Variants in COL14A1 observed in about 807,000 individuals in gnomAD.
The protein encoded by COL14A1 is collagen alpha-1(XIV) chain.
A neutral mutation model predicts 230.3 loss-of-function variants in COL14A1; 136 were observed. The ratio of observed to expected loss-of-function variants is 0.59; its 90% confidence interval spans 0.51 to 0.68. The LOEUF (loss-of-function observed/expected upper bound fraction) is 0.68. COL14A1 is among the 30% of genes least tolerant of loss of function. The pLI is 0.00. For missense variants in COL14A1, 1,976 were observed against 2,215.8 expected (o/e 0.89, Z 2.17); for synonymous variants, 792 against 784.1 (o/e 1.01, Z -0.17).
At chr8:120,303,000 A>G (rs1213928106) in intron 36 of COL14A1, among the ~76,000 whole-genome samples, 6 of 152,038 alleles carry the variant, frequency 3.9e-5, no homozygotes, top group South Asian at 2.1e-4. Flanking sequence ...TTTTGTGGCA[A>G]TTGTGGATGG....
chr8:120,229,128 T>C (rs1490483912), intron 18 of COL14A1, among the ~76,000 whole-genome samples: 1 of 149,456 alleles, frequency 6.7e-6, no homozygotes, highest in African/African-American at 2.5e-5. Context: ...ATTATTATTA[T>C]ACTTTAAGTT....
chr8:120,264,866 A>G (rs973648591), intron 24 of COL14A1, among the ~76,000 whole-genome samples: 1 of 152,102 alleles, frequency 6.6e-6, no homozygotes, highest in Admixed American at 6.6e-5. Context: ...CCCTAGAAAC[A>G]TTTGTGTTTA....
At chr8:120,316,194 A>G (rs904351679) in intron 40 of COL14A1, among the ~76,000 whole-genome samples, 197 bp downstream of exon 40, 2 of 152,196 alleles carry the variant, frequency 1.3e-5, no homozygotes, top group Non-Finnish European at 2.9e-5. Flanking sequence ...GTCAAACCCT[A>G]GGAACTTTCA....
intron 36 of COL14A1, among the ~76,000 whole-genome samples, 161 bp downstream of exon 36, chr8:120,300,979 A>G (rs1256885820): frequency 1.3e-5 from 2 of 152,166 alleles, no homozygotes; most frequent in Admixed American, 1.3e-4. Flanking sequence ...ATTAAAGAAC[A>G]CAGCTTGGAG....
intron 5 of COL14A1, among the ~76,000 whole-genome samples, chr8:120,187,502 G>A (rs1438469619): frequency 6.6e-6 from 1 of 152,162 alleles, no homozygotes; most frequent in African/African-American, 2.4e-5. Flanking sequence ...GCTCAGAATA[G>A]TGCTTGGTAC....
intron 42 of COL14A1, among the ~76,000 whole-genome samples, chr8:120,338,997 G>A (rs1822185249): frequency 6.6e-6 from 1 of 152,144 alleles, no homozygotes; most frequent in South Asian, 2.1e-4. Context: ...TGGGGCAGGG[G>A]TGTGCTATGT....
intron 5 of COL14A1, among the ~76,000 whole-genome samples, chr8:120,185,053 A>T (rs1192558541): frequency 6.6e-6 from 1 of 152,236 alleles, no homozygotes; most frequent in Non-Finnish European, 1.5e-5. Flanking sequence ...GAGGAAAAAT[A>T]AAACAGGGAT....
At chr8:120,192,185 G>A (rs1014196820) in intron 5 of COL14A1, among the ~76,000 whole-genome samples, 30 of 152,106 alleles carry the variant, frequency 2.0e-4, no homozygotes, top group African/African-American at 6.3e-4. Flanking sequence ...GGCTGGTACC[G>A]GTTGTTCCTT....
chr8:120,232,367 C>T (rs772917064), intron 19 of COL14A1, among the ~76,000 whole-genome samples: 5 of 152,022 alleles, frequency 3.3e-5, no homozygotes, highest in Admixed American at 2.0e-4. Context: ...TTGCTGCACC[C>T]ATCAACCCGT....
At chr8:120,145,842 A>G (rs1815075597) in intron 1 of COL14A1, among the ~76,000 whole-genome samples, 1 of 152,334 alleles carries the variant, frequency 6.6e-6, no homozygotes, top group South Asian at 2.1e-4. Flanking sequence ...ATTTACTGTC[A>G]TCAGAATACA....
Position 120,147,790 on chromosome 8 carries a change from TTCTC to T in COL14A1, c.-37-12_-37-9del. 2 of 1,352,556 alleles carry T rather than the reference TTCTC, an allele frequency of 1.5e-6. No individual in the cohort carries two copies. Among genetic ancestry groups the T allele is most frequent in the Admixed American group, 1.9e-5 (1 of 52,288 alleles). The allele number at this position is 1,352,556 out of a possible 1,614,324, so 83.8% of individuals were successfully genotyped here. On this transcript the variant is annotated splice_polypyrimidine_tract_variant and intron_variant, in intron 1 of 47. Coordinates refer to ENST00000297848, the MANE Select transcript of COL14A1 (RefSeq NM_021110.4). ...TTCAGCCTTCTCAAAAATGTTCCTG[TTCTC>T]TCTGTTTCTAGGTGGCTGCTACACC... is the stretch of plus-strand genomic sequence containing the variant.
chr8:120,336,941 C>G (rs554978307), intron 42 of COL14A1, among the ~76,000 whole-genome samples: 1 of 152,192 alleles, frequency 6.6e-6, no homozygotes, highest in African/African-American at 2.4e-5. Flanking sequence ...TGTCCCTTCG[C>G]AGGCTGTTAG....
At chr8:120,258,841 AT>A (rs1819242278) in intron 23 of COL14A1, among the ~76,000 whole-genome samples, 1 of 151,996 alleles carries the variant, frequency 6.6e-6, no homozygotes, top group South Asian at 2.1e-4. Flanking sequence ...ATGCTATGGG[AT>A]TTTATCCCTC....
At chr8:120,332,308 C>A in intron 41 of COL14A1, 114 bp downstream of exon 41, 1 of 942,868 alleles carries the variant, frequency 1.1e-6, no homozygotes, top group Non-Finnish European at 1.7e-6. Context: ...TATAGTGTGA[C>A]AACTCATCCC....
chr8:120,182,504 TAAA>T (rs1171845631), intron 5 of COL14A1, among the ~76,000 whole-genome samples: 53 of 152,134 alleles, frequency 3.5e-4, no homozygotes, highest in Non-Finnish European at 6.8e-4. Flanking sequence ...ATGACCAAAG[TAAA>T]CATACAGCCA....
At chr8:120,129,986 G>A (rs1227789776) in intron 1 of COL14A1, among the ~76,000 whole-genome samples, 2 of 152,188 alleles carry the variant, frequency 1.3e-5, no homozygotes, top group Non-Finnish European at 2.9e-5. Context: ...ACTAGCTGGA[G>A]AACCTCAATA....
At position 120,244,026 on chromosome 8, in the gene COL14A1, C is replaced by T. The variant is rs1378791856; in HGVS notation, c.2479+18C>T. The T allele has an allele frequency of 3.7e-6, 6 of 1,607,374 alleles. No individual in the cohort carries two copies. The highest frequency in any genetic ancestry group is 1.3e-5 in the African/African-American group (1 of 74,524). On this transcript the variant is annotated intron_variant, in intron 20 of 47. Coordinates refer to ENST00000297848, the MANE Select transcript of COL14A1 (RefSeq NM_021110.4). ...AAAAACCTGTAAGTGAAGCTTTCTC[C>T]CTTTGAATACAAGCCGACTCATTAA...
chr8:120,204,142 T>C (rs957265729), intron 9 of COL14A1, among the ~76,000 whole-genome samples: 4 of 152,168 alleles, frequency 2.6e-5, no homozygotes, highest in Non-Finnish European at 5.9e-5. Context: ...AGTTATACAT[T>C]CAAATACAGT....
intron 36 of COL14A1, among the ~76,000 whole-genome samples, chr8:120,309,227 G>C (rs1820950753): frequency 6.6e-6 from 1 of 152,188 alleles, no homozygotes; most frequent in South Asian, 2.1e-4. Context: ...GAGCCACTGT[G>C]CCTGGCCAAT....
Sources: gnomAD v4.1 joint callset for allele counts (sites outside exome capture counted in the v4.1 genomes callset) on GRCh38, gnomAD v4.1.1 for gene constraint, MANE v1.5 for transcripts, NCBI Gene and HGNC (gene_info 2026-07-23, HGNC 2026-07-21) for gene names.